TMTC1: variants seen among roughly 807,000 people sequenced by gnomAD.
TMTC1 encodes the protein protein O-mannosyl-transferase TMTC1.
Under a neutral mutation model 104.8 loss-of-function variants are expected in TMTC1, and 73 were observed. The ratio of observed to expected loss-of-function variants is 0.70; its 90% CI spans 0.58 to 0.85. TMTC1 has a LOEUF of 0.85. Among genes scored for constraint, TMTC1 ranks in the 40% least tolerant of loss-of-function variants. The pLI, the probability that TMTC1 is intolerant of heterozygous loss-of-function variation, is 0.00. For missense variants in TMTC1, 1,035 were observed against 1,096.1 expected (o/e 0.94, Z 0.79); for synonymous variants, 434 against 428.7 (o/e 1.01, Z -0.15).
intron 5 of TMTC1, among the ~76,000 whole-genome samples, chr12:29,749,286 C>A (rs117841779): frequency 1.3e-5 from 2 of 152,264 alleles, no homozygotes; most frequent in Non-Finnish European, 2.9e-5. Flanking sequence ...CACTAACAAC[C>A]TTTTCCCCAT....
At chr12:29,636,011 A>G (rs1206371396) in intron 5 of TMTC1, among the ~76,000 whole-genome samples, 1 of 152,258 alleles carries the variant, frequency 6.6e-6, no homozygotes, top group Non-Finnish European at 1.5e-5. Context: ...GGAAAGAGGC[A>G]GAATTGGCTA....
chr12:29,771,868 A>T (rs1943601929), intron 1 of TMTC1, among the ~76,000 whole-genome samples: 1 of 152,228 alleles, frequency 6.6e-6, no homozygotes, highest in Admixed American at 6.5e-5. Flanking sequence ...AAGATGACAG[A>T]AATAATGCCA....
intron 5 of TMTC1, among the ~76,000 whole-genome samples, chr12:29,674,411 C>T (rs1940643721): frequency 7.2e-6 from 1 of 139,634 alleles, no homozygotes; most frequent in South Asian, 2.2e-4. Context: ...TCCTTCAAGA[C>T]CAGAAAAAAA....
chr12:29,762,687 C>T (rs1191648643), intron 2 of TMTC1, among the ~76,000 whole-genome samples: 1 of 152,206 alleles, frequency 6.6e-6, no homozygotes, highest in African/African-American at 2.4e-5. Context: ...TATTACCTGA[C>T]GTGGCTGCTT....
intron 5 of TMTC1, among the ~76,000 whole-genome samples, chr12:29,677,168 A>G (rs1021871636): frequency 1.3e-5 from 2 of 152,226 alleles, no homozygotes; most frequent in Non-Finnish European, 2.9e-5. Context: ...TCTCTTCTTT[A>G]TCTAGTCAAT....
intron 5 of TMTC1, among the ~76,000 whole-genome samples, chr12:29,682,911 CTGGTT>C (rs1411067995): frequency 1.3e-5 from 2 of 151,976 alleles, no homozygotes; most frequent in Non-Finnish European, 2.9e-5. Flanking sequence ...TGTCAATTTC[CTGGTT>C]ATGATATTGT....
intron 5 of TMTC1, among the ~76,000 whole-genome samples, chr12:29,648,451 C>T (rs372014609): frequency 4.6e-5 from 7 of 152,070 alleles, no homozygotes; most frequent in East Asian, 1.9e-4. Context: ...TCTAAATTGG[C>T]GCAATTCTAA....
At chr12:29,512,434 TACTTTCTG>T (rs531479371) in intron 16 of TMTC1, among the ~76,000 whole-genome samples, 216 of 152,330 alleles carry the variant, frequency 1.4e-3, no homozygotes, top group African/African-American at 5.1e-3. Context: ...AAGAAAATTG[TACTTTCTG>T]GCCTTTTTTC....
chr12:29,747,995 C>T (rs1369798673), intron 5 of TMTC1, among the ~76,000 whole-genome samples: 1 of 152,162 alleles, frequency 6.6e-6, no homozygotes, highest in Non-Finnish European at 1.5e-5. Context: ...TACCTGATCA[C>T]CTTCTGACAA....
intron 10 of TMTC1, among the ~76,000 whole-genome samples, chr12:29,549,697 C>A (rs1945044028): frequency 6.6e-6 from 1 of 152,104 alleles, no homozygotes; most frequent in Non-Finnish European, 1.5e-5. Flanking sequence ...TGTAATATTT[C>A]ACCTTGAATG....
chr12:29,576,988 T>C (rs1354357113), intron 8 of TMTC1, among the ~76,000 whole-genome samples: 1 of 152,158 alleles, frequency 6.6e-6, no homozygotes, highest in African/African-American at 2.4e-5. Context: ...TTTTATTTTC[T>C]GTCTGAAAGA....
intron 5 of TMTC1, among the ~76,000 whole-genome samples, chr12:29,698,245 C>T (rs180988398): frequency 1.3e-5 from 2 of 152,336 alleles, no homozygotes; most frequent in Admixed American, 1.3e-4. Context: ...CATTTATTCC[C>T]TTTAAAAATC....
chr12:29,561,369 C>T (rs533427502), intron 9 of TMTC1, among the ~76,000 whole-genome samples: 3 of 152,118 alleles, frequency 2.0e-5, no homozygotes, highest in Non-Finnish European at 4.4e-5. Flanking sequence ...TTCAACTATG[C>T]TCTTATAGGA....
chr12:29,767,922 A>G lies in TMTC1; in HGVS notation c.456T>C (p.Ala152=). The G allele has an allele frequency of 6.2e-7, 1 of 1,613,832 alleles. No individual in the cohort carries two copies. Among genetic ancestry groups the G allele is most frequent in the East Asian group, 2.2e-5 (1 of 44,834 alleles). ...GLAFVTALLF[A]VHPIHTEAVA... is the part of the protein sequence containing the mutation. ...CCGCCTCAGTATGAATAGGATGTACAGCAAAAAGCAATGCCGTTACAAAAG... is the reference window on the plus strand; with the variant it reads ...CCGCCTCAGTATGAATAGGATGTACGGCAAAAAGCAATGCCGTTACAAAAG... Residue 152 remains alanine, a synonymous_variant, in exon 2 of 18, where the codon GCT becomes GCC. Coordinates refer to ENST00000539277, the MANE Select transcript of TMTC1 (RefSeq NM_001193451.2).
At chr12:29,588,553 C>G (rs969860843) in intron 7 of TMTC1, among the ~76,000 whole-genome samples, 1 of 152,196 alleles carries the variant, frequency 6.6e-6, no homozygotes, top group South Asian at 2.1e-4. Flanking sequence ...AACACTATTA[C>G]AGATATCAAG....
chr12:29,517,045 A>G (rs1441647047), intron 14 of TMTC1, among the ~76,000 whole-genome samples: 1 of 152,350 alleles, frequency 6.6e-6, no homozygotes, highest in African/African-American at 2.4e-5. Context: ...AATAACACAC[A>G]CTAATAATAG....
intron 5 of TMTC1, among the ~76,000 whole-genome samples, chr12:29,746,390 T>C (rs1942956481): frequency 6.6e-6 from 1 of 152,206 alleles, no homozygotes; most frequent in South Asian, 2.1e-4. Flanking sequence ...AGATTTGTTC[T>C]GTCACCTGCA....
At position 29,548,349 on chromosome 12, in the gene TMTC1, G is replaced by A. The variant is rs1944996467; in HGVS notation, c.1676+8508C>T. The stretch of plus-strand genomic sequence containing the variant: ...AATGGCACAATTATTTTGGAGAACT[G>A]TTTGTCAATTGATATGGTTTGGCTG... On this transcript the variant is annotated intron_variant, in intron 10 of 17. Coordinates refer to ENST00000539277, the MANE Select transcript of TMTC1 (RefSeq NM_001193451.2). 3.3e-5 allele frequency among the ~76,000 whole-genome samples: 5 copies of A among 152,154 alleles called. No individual in the cohort carries two copies. In the South Asian group the frequency reaches 1.0e-3, roughly 32 times the overall value.
At chr12:29,767,159 G>A (rs1287437020) in intron 2 of TMTC1, among the ~76,000 whole-genome samples, 1 of 152,014 alleles carries the variant, frequency 6.6e-6, no homozygotes, top group Non-Finnish European at 1.5e-5. Context: ...CACCACATTG[G>A]CCAGGCTGGT....
Sources: gnomAD v4.1 joint callset for allele counts (sites outside exome capture counted in the v4.1 genomes callset) on GRCh38, gnomAD v4.1.1 for gene constraint, MANE v1.5 for transcripts, NCBI Gene and HGNC (gene_info 2026-07-23, HGNC 2026-07-21) for gene names.